Variants in NAALADL2 observed in about 807,000 individuals in gnomAD.
NAALADL2 encodes the protein inactive N-acetylated-alpha-linked acidic dipeptidase-like protein 2.
Under a neutral mutation model 87.2 loss-of-function variants are expected in NAALADL2, and 76 were observed. That is an observed-to-expected ratio of 0.87 (90% CI 0.72 to 1.05). The LOEUF (loss-of-function observed/expected upper bound fraction) is 1.05, where lower values mean the gene tolerates loss of function less well. NAALADL2 is among the 50% of genes least tolerant of loss of function. The probability of loss-of-function intolerance (pLI) is 0.00; values close to 1 mark genes in which losing one functional copy is unlikely to be tolerated. For synonymous variants in NAALADL2, 354 were observed against 331.0 expected (o/e 1.07, Z -0.75); for missense variants, 1,089 against 945.8 (o/e 1.15, Z -1.99).
chr3:174,928,542 T>G (rs1436168808), intron 1 of NAALADL2, among the ~76,000 whole-genome samples: 1 of 152,130 alleles, frequency 6.6e-6, no homozygotes, highest in Non-Finnish European at 1.5e-5. Flanking sequence ...GCATTGCCCT[T>G]ATGTGATATT....
chr3:174,697,193 A>G (rs1399362600), intron 2 of NAALADL2, among the ~76,000 whole-genome samples: 1 of 152,174 alleles, frequency 6.6e-6, no homozygotes, highest in African/African-American at 2.4e-5. Flanking sequence ...TAAAGAGTTT[A>G]TACTATGGAA....
chr3:174,564,671 T>C (rs757547389), intron 2 of NAALADL2, among the ~76,000 whole-genome samples: 1 of 152,136 alleles, frequency 6.6e-6, no homozygotes. Context: ...ATTTTGGGAC[T>C]TTTAAATTAT....
At chr3:175,310,058 G>A (rs778417807) in intron 4 of NAALADL2, among the ~76,000 whole-genome samples, 2 of 152,186 alleles carry the variant, frequency 1.3e-5, no homozygotes, top group South Asian at 2.1e-4. Flanking sequence ...AATATCATAC[G>A]GAACTTGCAA....
At chr3:175,150,272 A>ATG (rs2108777833) in intron 2 of NAALADL2, among the ~76,000 whole-genome samples, 1 of 152,258 alleles carries the variant, frequency 6.6e-6, no homozygotes, top group South Asian at 2.1e-4. Flanking sequence ...AGCCTATTAC[A>ATG]AATAAAATTT....
intron 1 of NAALADL2, among the ~76,000 whole-genome samples, chr3:174,926,316 G>A (rs1392679173): frequency 2.0e-5 from 3 of 152,160 alleles, no homozygotes; most frequent in Admixed American, 6.5e-5. Flanking sequence ...CCCCAATCTA[G>A]CAAGGCAGGC....
intron 4 of NAALADL2, among the ~76,000 whole-genome samples, chr3:175,311,706 C>G (rs1287548913): frequency 6.7e-6 from 1 of 148,320 alleles, no homozygotes; most frequent in African/African-American, 2.5e-5. Flanking sequence ...CTTCCTCTCT[C>G]CCTCCCTCCT....
At chr3:175,752,102 A>G (rs769825615) in intron 12 of NAALADL2, among the ~76,000 whole-genome samples, 5 of 152,090 alleles carry the variant, frequency 3.3e-5, no homozygotes, top group Non-Finnish European at 7.4e-5. Context: ...ATAATTCAAC[A>G]TTCACTCAAC....
At chr3:175,121,049 C>T (rs1473620432) in intron 2 of NAALADL2, among the ~76,000 whole-genome samples, 5 of 151,680 alleles carry the variant, frequency 3.3e-5, no homozygotes, top group African/African-American at 7.3e-5. Flanking sequence ...AAGTGGTATC[C>T]TACATTCTTG....
chr3:175,500,356 G>C lies in NAALADL2; in HGVS notation c.1653+28598G>C, dbSNP rs182256276. On this transcript the variant is annotated intron_variant, in intron 9 of 13. Transcript: ENST00000454872. The stretch of plus-strand genomic sequence containing the variant: ...GTAGAGATGGTAGTTTTTATGTGTA[G>C]TGTGGAAAAAAAAATTCTAGGCCAA... Among the ~76,000 whole-genome samples the C allele has an allele frequency of 1.4e-3, 218 of 152,078 alleles. 1 individual carries two copies. Among genetic ancestry groups the C allele is most frequent in the African/African-American group, 5.1e-3 (212 of 41,530 alleles).
At chr3:175,361,080 C>T (rs1764954169) in intron 5 of NAALADL2, among the ~76,000 whole-genome samples, 1 of 151,362 alleles carries the variant, frequency 6.6e-6, no homozygotes, top group African/African-American at 2.4e-5. Flanking sequence ...CAAGTGTTCT[C>T]ATTGTTCAAT....
intron 2 of NAALADL2, among the ~76,000 whole-genome samples, chr3:175,188,211 A>C (rs912693469): frequency 6.6e-6 from 1 of 152,176 alleles, no homozygotes; most frequent in African/African-American, 2.4e-5. Context: ...TGATAAAGTG[A>C]TGATACTTGA....
At chr3:175,555,923 C>T (rs2149500542) in intron 9 of NAALADL2, among the ~76,000 whole-genome samples, 1 of 152,196 alleles carries the variant, frequency 6.6e-6, no homozygotes, top group East Asian at 1.9e-4. Flanking sequence ...AATTGACTTT[C>T]CAAAATGAAA....
chr3:175,176,561 G>A (rs1480288673), intron 2 of NAALADL2, among the ~76,000 whole-genome samples: 1 of 152,112 alleles, frequency 6.6e-6, no homozygotes, highest in Non-Finnish European at 1.5e-5. Context: ...ATGTGATTAA[G>A]TTAAGGATTT....
intron 1 of NAALADL2, among the ~76,000 whole-genome samples, chr3:174,927,188 G>C (rs1736188619): frequency 1.3e-5 from 2 of 152,108 alleles, no homozygotes; most frequent in African/African-American, 4.8e-5. Context: ...CCCAATACAG[G>C]AGCACCCAGA....
chr3:175,161,484 G>T (rs978775432), intron 2 of NAALADL2, among the ~76,000 whole-genome samples: 1 of 152,096 alleles, frequency 6.6e-6, no homozygotes, highest in African/African-American at 2.4e-5. Flanking sequence ...CCATGTTGTT[G>T]CACCATTGTC....
intron 1 of NAALADL2, among the ~76,000 whole-genome samples, chr3:175,035,509 C>A (rs1487651622): frequency 6.6e-6 from 1 of 151,972 alleles, no homozygotes; most frequent in African/African-American, 2.4e-5. Context: ...ACTCTGTGCT[C>A]CTGAGGGGCA....
intron 2 of NAALADL2, among the ~76,000 whole-genome samples, chr3:175,211,434 G>A (rs1741749484): frequency 6.6e-6 from 1 of 151,864 alleles, no homozygotes; most frequent in Non-Finnish European, 1.5e-5. Context: ...ACTTCCTATT[G>A]AAACTAGTAT....
At chr3:175,251,640 T>C (rs969866776) in intron 3 of NAALADL2, among the ~76,000 whole-genome samples, 1 of 152,342 alleles carries the variant, frequency 6.6e-6, no homozygotes, top group East Asian at 1.9e-4. Context: ...AAGAGGTTCA[T>C]TGTAGCAACA....
intron 1 of NAALADL2, among the ~76,000 whole-genome samples, chr3:175,069,288 C>G (rs1236638922): frequency 1.3e-5 from 2 of 149,896 alleles, no homozygotes; most frequent in Non-Finnish European, 2.9e-5. Context: ...TATCCAGAAT[C>G]TACAATGAAC....
Sources: allele counts gnomAD v4.1 joint callset (sites outside exome capture counted in the v4.1 genomes callset), GRCh38; gene constraint gnomAD v4.1.1; transcripts MANE v1.5; gene names NCBI Gene and HGNC (gene_info 2026-07-23, HGNC 2026-07-21).